The following PKD1L3 variants were observed in gnomAD, a reference collection of about 807,000 sequenced individuals.
PKD1L3 encodes the protein polycystin 1 like 3, transient receptor potential channel interacting.
A neutral mutation model predicts 184.1 loss-of-function variants in PKD1L3; 239 were observed. That is an observed-to-expected ratio of 1.30 (90% CI 1.17 to 1.45). The LOEUF (loss-of-function observed/expected upper bound fraction) is 1.45, where lower values mean the gene tolerates loss of function less well. PKD1L3 is among the 40% of genes most tolerant of loss of function. PKD1L3 has a pLI of 0.00. For synonymous variants in PKD1L3, 996 were observed against 778.8 expected (o/e 1.28, Z -4.64); for missense variants, 2,660 against 2,067.2 (o/e 1.29, Z -5.56).
chr16:71,970,622 A>G (rs1408800454), intron 12 of PKD1L3, among the ~76,000 whole-genome samples: 1 of 152,142 alleles, frequency 6.6e-6, no homozygotes, highest in Non-Finnish European at 1.5e-5. Context: ...AGCCTGGACA[A>G]CATGGTGAAA....
intron 19 of PKD1L3, 27 bp downstream of exon 19, chr16:71,951,537 T>G (rs2038834216): frequency 3.9e-6 from 6 of 1,532,344 alleles, no homozygotes; most frequent in Non-Finnish European, 5.3e-6. Context: ...GATGGAAGAT[T>G]CGTTACTGAA....
chr16:71,979,110 T>C (rs1567538993), intron 9 of PKD1L3, among the ~76,000 whole-genome samples: 1 of 152,234 alleles, frequency 6.6e-6, no homozygotes, highest in South Asian at 2.1e-4. Context: ...TGGGTTGGTA[T>C]ACTGAGTCAA....
chr16:71,985,506 C>T (rs111760925), intron 5 of PKD1L3, among the ~76,000 whole-genome samples: 1 of 152,128 alleles, frequency 6.6e-6, no homozygotes, highest in African/African-American at 2.4e-5. Context: ...GCAGTCTGGA[C>T]CTCCCAGGCT....
At chr16:71,944,648 C>T (rs1256053140) in intron 22 of PKD1L3, among the ~76,000 whole-genome samples, 1 of 151,562 alleles carries the variant, frequency 6.6e-6, no homozygotes, top group African/African-American at 2.4e-5. Context: ...ATAGTTTGAG[C>T]TCAGGAGTTT....
At chr16:71,968,584 T>C (rs575993951) in intron 13 of PKD1L3, among the ~76,000 whole-genome samples, 1 of 152,314 alleles carries the variant, frequency 6.6e-6, no homozygotes, top group East Asian at 1.9e-4. Context: ...TATAAATTTC[T>C]TGTATATTAT....
intron 25 of PKD1L3, among the ~76,000 whole-genome samples, 197 bp downstream of exon 25, chr16:71,937,095 G>C (rs556601257): frequency 6.6e-6 from 1 of 151,914 alleles, no homozygotes; most frequent in African/African-American, 2.4e-5. Context: ...TTGCTCTGTC[G>C]CCCAGGCTGA....
intron 28 of PKD1L3, among the ~76,000 whole-genome samples, chr16:71,932,993 T>C (rs905889862): frequency 1.3e-5 from 2 of 152,032 alleles, no homozygotes. Context: ...AGTCTCTATG[T>C]TGCCCAGGCT....
chr16:71,940,852 T>C (rs909410649), intron 24 of PKD1L3, among the ~76,000 whole-genome samples: 54 of 136,902 alleles, frequency 3.9e-4, no homozygotes, highest in African/African-American at 1.4e-3. Context: ...CTTTTTTTTT[T>C]CTTGATACAG....
chr16:71,973,225 A>AT (rs1259023683), intron 12 of PKD1L3, 99 bp downstream of exon 12: 39 of 1,355,720 alleles, frequency 2.9e-5, no homozygotes, highest in Non-Finnish European at 8.0e-6. Flanking sequence ...CCACCTGATT[A>AT]TTTTTCTTTC....
intron 4 of PKD1L3, among the ~76,000 whole-genome samples, chr16:71,989,195 C>A (rs1308045896): frequency 6.6e-6 from 1 of 152,204 alleles, no homozygotes; most frequent in East Asian, 1.9e-4. Flanking sequence ...CCCTCTGTCG[C>A]CCAAGCTGGA....
At chr16:71,986,122 A>C in intron 5 of PKD1L3, 99 bp downstream of exon 5, 1 of 1,427,458 alleles carries the variant, frequency 7.0e-7, no homozygotes, top group East Asian at 2.5e-5. Context: ...CTGGTCTGTC[A>C]GGCATTCTTA....
At chr16:71,968,107 C>G in intron 13 of PKD1L3, 100 bp from the exon 14 acceptor site, 1 of 904,868 alleles carries the variant, frequency 1.1e-6, no homozygotes, top group Non-Finnish European at 1.7e-6. Context: ...CGGCAGGTGT[C>G]TGGCAGCCCT....
intron 2 of PKD1L3, among the ~76,000 whole-genome samples, chr16:71,997,304 A>C (rs2040824531): frequency 6.6e-6 from 1 of 151,996 alleles, no homozygotes. Context: ...GAAATCACCA[A>C]GGCCGGGCAC....
At chr16:71,982,280 T>C (rs1219907419) in intron 6 of PKD1L3, 45 bp from the exon 7 acceptor site, 18 of 430,930 alleles carry the variant, frequency 4.2e-5, no homozygotes, top group South Asian at 3.9e-4. Context: ...ATTGTTTGCT[T>C]TTTTTTTTTT....
chr16:71,979,659 C>T, intron 9 of PKD1L3, 127 bp downstream of exon 9: 4 of 1,150,116 alleles, frequency 3.5e-6, no homozygotes, highest in Non-Finnish European at 4.6e-6. Flanking sequence ...AAAATGAATG[C>T]TACATAAACT....
In PKD1L3 at chr16:71,998,527, T is replaced by C. The variant is rs1042200637; in HGVS notation, c.296-133A>G. 4 of 1,221,630 alleles carry C rather than the reference T, an allele frequency of 3.3e-6. No individual in the cohort carries two copies. The African/African-American group carries it at 6.2e-5, about 19-fold the overall frequency. The allele number at this position is 1,221,630 out of a possible 1,614,324, so 75.7% of individuals were successfully genotyped here. A position where few individuals can be genotyped will look rare whatever the true frequency, so the allele number is the denominator to read the frequency against. On this transcript the variant is annotated intron_variant, in intron 1 of 29. Coordinates refer to ENST00000620267, the MANE Select transcript of PKD1L3 (RefSeq NM_181536.2). ...GTGCAGTGGTGTGATCTTCACTCAC[T>C]GCAATCTCTGCCTCCTGGGTTCCAG... is the stretch of plus-strand genomic sequence containing the variant.
intron 24 of PKD1L3, among the ~76,000 whole-genome samples, 163 bp downstream of exon 24, chr16:71,942,397 T>TG (rs369069871): frequency 6.6e-6 from 1 of 151,234 alleles, no homozygotes; most frequent in Non-Finnish European, 1.5e-5. Context: ...TCTAATGTGA[T>TG]GGGAGAATAA....
Position 71,979,886 on chromosome 16 carries a change from C to G in PKD1L3, c.1298G>C (p.Ser433Thr), listed in dbSNP as rs1439905762. The G allele has an allele frequency of 6.5e-7, 1 of 1,548,692 alleles. No individual in the cohort carries two copies. The highest frequency in any genetic ancestry group is 1.4e-5 in the African/African-American group (1 of 72,724). ...SRQNISTLPL[S>T]SYTLGHPAPV... is the part of the protein sequence containing the mutation. Reference sequence around the variant, plus strand: ...GGCTGGGTGACCCAGAGTGTAAGAGCTCAGCGGTAAAGTTGATATGTTTTG... The same window carrying G: ...GGCTGGGTGACCCAGAGTGTAAGAGGTCAGCGGTAAAGTTGATATGTTTTG... The change falls in exon 9 of 30, where the codon AGC (serine) becomes ACC (threonine). Residue 433 changes from serine (S) to threonine (T), a missense_variant. Physicochemically the swap from Ser to Thr is moderately conservative, Grantham distance 58. Coordinates refer to ENST00000620267, the MANE Select transcript of PKD1L3 (RefSeq NM_181536.2).
At chr16:71,947,075 G>A (rs996218374) in intron 22 of PKD1L3, among the ~76,000 whole-genome samples, 7 of 151,840 alleles carry the variant, frequency 4.6e-5, no homozygotes, top group African/African-American at 1.7e-4. Flanking sequence ...GGCCAACATG[G>A]CAAAACCCTG....
Sources: allele counts gnomAD v4.1 joint callset (sites outside exome capture counted in the v4.1 genomes callset), GRCh38; gene constraint gnomAD v4.1.1; transcripts MANE v1.5; gene names NCBI Gene and HGNC (gene_info 2026-07-23, HGNC 2026-07-21).